Variants in IRAG2 observed in about 807,000 individuals in gnomAD.
The protein encoded by IRAG2 is lymphoid restricted membrane protein.
In IRAG2, 45 loss-of-function variants were observed where a neutral mutation model predicts 69.9. That is an observed-to-expected ratio of 0.64 (90% CI 0.51 to 0.83). IRAG2 has a LOEUF of 0.83. Ranked by LOEUF, IRAG2 falls within the 40% of genes least tolerant of loss-of-function variation. IRAG2 has a pLI of 0.00. For synonymous variants in IRAG2, 193 were observed against 202.4 expected (o/e 0.95, Z 0.40); for missense variants, 520 against 587.0 (o/e 0.89, Z 1.18).
intron 17 of IRAG2, 197 bp downstream of exon 17, chr12:25,102,438 G>A (rs1414953350): frequency 1.2e-5 from 7 of 565,662 alleles, no homozygotes; most frequent in Non-Finnish European, 2.2e-5. Context: ...GCAGCATGAA[G>A]AAAGTCAGTA....
At chr12:25,021,822 C>A (rs1432463033) in intron 7 of IRAG2, among the ~76,000 whole-genome samples, 1 of 152,138 alleles carries the variant, frequency 6.6e-6, no homozygotes, top group Non-Finnish European at 1.5e-5. Context: ...CTCCCACAAA[C>A]AAAATAACTT....
intron 1 of IRAG2, among the ~76,000 whole-genome samples, chr12:25,053,707 G>A (rs1945017383): frequency 6.6e-6 from 1 of 151,520 alleles, no homozygotes; most frequent in African/African-American, 2.4e-5. Context: ...CCAGTTTCTT[G>A]TTCTAGCAGT....
chr12:25,055,188 C>T (rs927201282), intron 1 of IRAG2, among the ~76,000 whole-genome samples: 10 of 152,278 alleles, frequency 6.6e-5, no homozygotes, highest in Admixed American at 6.5e-4. Flanking sequence ...CACACTACAA[C>T]TGGAAATTTA....
intron 14 of IRAG2, among the ~76,000 whole-genome samples, chr12:25,091,612 T>G (rs997189766): frequency 7.9e-5 from 12 of 152,240 alleles, no homozygotes; most frequent in Admixed American, 3.9e-4. Context: ...TTCTTTTGAT[T>G]ATATCTAGAC....
chr12:25,024,044 A>G (rs896219118), intron 8 of IRAG2: 3 of 451,950 alleles, frequency 6.6e-6, no homozygotes, highest in Non-Finnish European at 1.1e-5. Context: ...GAGCAGGTTG[A>G]CTTGTCAAAT....
At chr12:25,040,202 G>A (rs1399477685) in intron 16 of IRAG2, among the ~76,000 whole-genome samples, 1 of 152,180 alleles carries the variant, frequency 6.6e-6, no homozygotes, top group Non-Finnish European at 1.5e-5. Flanking sequence ...ATTTGACTGT[G>A]GATTTTAGCT....
At chr12:25,004,638 C>T (rs770784310) in exon 1 of IRAG2, 5 of 1,232,122 alleles carry the variant, frequency 4.1e-6, no homozygotes, top group Middle Eastern at 3.1e-4. Flanking sequence ...CCCCATCCAC[C>T]TCTCACCTCA....
chr12:25,056,569 T>C (rs2139926035), intron 1 of IRAG2, among the ~76,000 whole-genome samples: 1 of 152,344 alleles, frequency 6.6e-6, no homozygotes, highest in East Asian at 1.9e-4. Context: ...GCAGTTGTTG[T>C]GAATTACATA....
chr12:25,055,701 CAG>C (rs751398173), intron 1 of IRAG2, among the ~76,000 whole-genome samples: 1 of 152,140 alleles, frequency 6.6e-6, no homozygotes, highest in Non-Finnish European at 1.5e-5. Context: ...TGAGAATATG[CAG>C]AGTTTGGTTT....
chr12:25,044,103 T>C (rs897912851), intron 16 of IRAG2, among the ~76,000 whole-genome samples: 1 of 152,160 alleles, frequency 6.6e-6, no homozygotes, highest in African/African-American at 2.4e-5. Flanking sequence ...TTATGATACA[T>C]AACTAAAAAT....
upstream of IRAG2, among the ~76,000 whole-genome samples, chr12:25,002,649 C>CTTTTT (rs374969962): frequency 0.048 from 7,023 of 145,394 alleles, 256 homozygotes; most frequent in Non-Finnish European, 0.074. Flanking sequence ...TTCTTCTTTT[C>CTTTTT]TTTTTTTTTT....
At chr12:25,079,623 A>C in intron 8 of IRAG2, 33 bp from the exon 9 acceptor site, 1 of 1,360,060 alleles carries the variant, frequency 7.4e-7, no homozygotes, top group Non-Finnish European at 1.1e-6. Flanking sequence ...TTATGTGCAT[A>C]GTATTCGCAC....
At chr12:25,099,334 G>A (rs555309709) in intron 15 of IRAG2, among the ~76,000 whole-genome samples, 1 of 152,292 alleles carries the variant, frequency 6.6e-6, no homozygotes, top group East Asian at 1.9e-4. Flanking sequence ...TGTCCTTTTA[G>A]TTGCTCAGGC....
intron 6 of IRAG2, among the ~76,000 whole-genome samples, chr12:25,073,030 A>G (rs1363439943): frequency 1.3e-5 from 2 of 152,214 alleles, no homozygotes; most frequent in Non-Finnish European, 2.9e-5. Flanking sequence ...TGGAAATCAT[A>G]ATGGATTAAG....
chr12:24,999,282 C>T, the IRAG2 span, among the ~76,000 whole-genome samples: 11 of 152,258 alleles, frequency 7.2e-5, no homozygotes, highest in South Asian at 2.1e-4. Flanking sequence ...AAATATATAA[C>T]GAATAACTTT....
intron 6 of IRAG2, chr12:25,076,780 ATTCT>A: frequency 1.4e-5 from 3 of 219,538 alleles, no homozygotes; most frequent in Non-Finnish European, 2.3e-5. Flanking sequence ...TAAGAAATCA[ATTCT>A]TATTGATTTT....
intron 6 of IRAG2, among the ~76,000 whole-genome samples, chr12:25,072,518 A>G (rs957686440): frequency 6.6e-6 from 1 of 152,238 alleles, no homozygotes; most frequent in African/African-American, 2.4e-5. Context: ...TCTCTTAAGA[A>G]AATAGAAAGC....
At chr12:25,039,709 C>A (rs577600084) in intron 16 of IRAG2, among the ~76,000 whole-genome samples, 3 of 152,172 alleles carry the variant, frequency 2.0e-5, no homozygotes, top group Admixed American at 2.0e-4. Context: ...GGATTACAGG[C>A]GTGAGCCACC....
chr12:25,080,137 G>C (rs1326179167), intron 9 of IRAG2, among the ~76,000 whole-genome samples: 1 of 152,138 alleles, frequency 6.6e-6, no homozygotes, highest in Non-Finnish European at 1.5e-5. Context: ...AATTTATCAG[G>C]TTAGAACGAT....
Sources: gnomAD v4.1 joint callset for allele counts (sites outside exome capture counted in the v4.1 genomes callset) on GRCh38, gnomAD v4.1.1 for gene constraint, MANE v1.5 for transcripts, NCBI Gene and HGNC (gene_info 2026-07-23, HGNC 2026-07-21) for gene names.